The following SPMIP7 variants were observed in gnomAD, a reference collection of about 807,000 sequenced individuals.
The protein encoded by SPMIP7 is sperm microtubule inner protein 7.
At chr7:50,095,948 C>T in the SPMIP7 span, 1 of 574,688 alleles carries the variant, frequency 1.7e-6, no homozygotes, top group Non-Finnish European at 2.7e-6. Flanking sequence ...AATTATCTGC[C>T]AACATTTAGA....
chr7:50,152,388 C>T, the SPMIP7 span, among the ~76,000 whole-genome samples: 1 of 152,074 alleles, frequency 6.6e-6, no homozygotes, highest in Non-Finnish European at 1.5e-5. Context: ...TGCAAGGTTA[C>T]TGAAGATTCC....
the SPMIP7 span, among the ~76,000 whole-genome samples, chr7:50,130,445 G>A: frequency 6.6e-6 from 1 of 152,050 alleles, no homozygotes; most frequent in Non-Finnish European, 1.5e-5. Flanking sequence ...AGAACGGTAT[G>A]GGGGAAACTG....
the SPMIP7 span, among the ~76,000 whole-genome samples, chr7:50,144,881 T>C: frequency 6.6e-6 from 1 of 151,938 alleles, no homozygotes; most frequent in African/African-American, 2.4e-5. Flanking sequence ...CTGGGTAGTG[T>C]TCAGGAATTT....
At chr7:50,139,844 A>G in the SPMIP7 span, among the ~76,000 whole-genome samples, 2 of 152,236 alleles carry the variant, frequency 1.3e-5, no homozygotes, top group African/African-American at 2.4e-5. Context: ...ATACAATGGA[A>G]TACTACTCAG....
the SPMIP7 span, chr7:50,096,543 T>A: frequency 6.4e-7 from 1 of 1,551,664 alleles, no homozygotes; most frequent in Non-Finnish European, 8.7e-7. Context: ...CAAACAACAA[T>A]AAAAAGGCAA....
the SPMIP7 span, among the ~76,000 whole-genome samples, chr7:50,111,226 A>C: frequency 1.3e-5 from 2 of 151,632 alleles, no homozygotes; most frequent in Non-Finnish European, 2.9e-5. Flanking sequence ...TGTGGATAAG[A>C]GTGGTTGTTT....
At chr7:50,098,100 A>T in the SPMIP7 span, among the ~76,000 whole-genome samples, 52 of 149,486 alleles carry the variant, frequency 3.5e-4, no homozygotes, top group African/African-American at 1.2e-3. Context: ...CGTTATTTCT[A>T]ATACATTCTC....
At chr7:50,109,378 T>A in the SPMIP7 span, among the ~76,000 whole-genome samples, 117,657 of 151,820 alleles carry the variant, frequency 0.77, 45,741 homozygotes, top group East Asian at 0.88. Context: ...TTTATTTATT[T>A]ATTTATTTAT....
chr7:50,110,308 A>G, the SPMIP7 span, among the ~76,000 whole-genome samples: 1 of 150,988 alleles, frequency 6.6e-6, no homozygotes, highest in Non-Finnish European at 1.5e-5. Flanking sequence ...GGAAAAAAAC[A>G]CAGATTACCT....
the SPMIP7 span, among the ~76,000 whole-genome samples, chr7:50,108,039 C>T: frequency 6.6e-6 from 1 of 152,182 alleles, no homozygotes; most frequent in South Asian, 2.1e-4. Context: ...GAAATTGAGG[C>T]ATTTAATGAT....
chr7:50,158,248 C>T, the SPMIP7 span, among the ~76,000 whole-genome samples: 4 of 150,976 alleles, frequency 2.6e-5, no homozygotes, highest in Non-Finnish European at 4.4e-5. Flanking sequence ...AGCCTGGATC[C>T]CTCCCACCCC....
chr7:50,100,341 C>T, the SPMIP7 span, among the ~76,000 whole-genome samples: 42,075 of 152,192 alleles, frequency 0.28, 6,689 homozygotes, highest in Non-Finnish European at 0.37. Context: ...AGCTTCAGTG[C>T]GTCTGTTTTG....
the SPMIP7 span, among the ~76,000 whole-genome samples, chr7:50,128,370 G>T: frequency 6.6e-6 from 1 of 151,860 alleles, no homozygotes; most frequent in Non-Finnish European, 1.5e-5. Context: ...TATACAGTTA[G>T]ATTCAATAAT....
chr7:50,106,917 A>G, the SPMIP7 span, among the ~76,000 whole-genome samples: 1 of 152,156 alleles, frequency 6.6e-6, no homozygotes, highest in African/African-American at 2.4e-5. Context: ...TCTGGCCAAC[A>G]TAGCAAAACC....
At chr7:50,143,892 G>A in the SPMIP7 span, among the ~76,000 whole-genome samples, 1 of 152,060 alleles carries the variant, frequency 6.6e-6, no homozygotes, top group Non-Finnish European at 1.5e-5. Context: ...ACATAATTAT[G>A]GGTACATGTT....
the SPMIP7 span, among the ~76,000 whole-genome samples, chr7:50,137,820 TA>T: frequency 6.6e-6 from 1 of 152,180 alleles, no homozygotes; most frequent in East Asian, 1.9e-4. Flanking sequence ...CTTGCCTGCT[TA>T]TATATTTTGT....
chr7:50,112,829 A>T, the SPMIP7 span, among the ~76,000 whole-genome samples: 1 of 152,036 alleles, frequency 6.6e-6, no homozygotes, highest in Non-Finnish European at 1.5e-5. Flanking sequence ...TGGGAAGCCA[A>T]GGAATGTAGA....
the SPMIP7 span, among the ~76,000 whole-genome samples, chr7:50,114,546 T>A: frequency 1.3e-5 from 2 of 151,940 alleles, no homozygotes; most frequent in South Asian, 2.1e-4. Flanking sequence ...ATGTAGTAAG[T>A]TAATAGGAGA....
At chr7:50,152,755 C>T in the SPMIP7 span, among the ~76,000 whole-genome samples, 1 of 151,862 alleles carries the variant, frequency 6.6e-6, no homozygotes, top group Non-Finnish European at 1.5e-5. Context: ...GGTGCGATCT[C>T]AGCTCACTGC....
Sources: allele counts gnomAD v4.1 joint callset (sites outside exome capture counted in the v4.1 genomes callset), GRCh38; gene constraint gnomAD v4.1.1; transcripts MANE v1.5; gene names NCBI Gene and HGNC (gene_info 2026-07-23, HGNC 2026-07-21).